CSMD3: variants seen among roughly 807,000 people sequenced by gnomAD.
CSMD3 encodes the protein CUB and Sushi multiple domains 3, also known as CUB and sushi domain-containing protein 3.
In CSMD3, 177 loss-of-function variants were observed where a neutral mutation model predicts 435.2. That is an observed-to-expected ratio of 0.41 (90% CI 0.36 to 0.46). CSMD3 has a LOEUF of 0.46. Ranked by LOEUF, CSMD3 falls within the 20% of genes least tolerant of loss-of-function variation. The probability of loss-of-function intolerance (pLI) is 0.34; values close to 1 mark genes in which losing one functional copy is unlikely to be tolerated. For synonymous variants in CSMD3, 1,656 were observed against 1,520.5 expected, an observed-to-expected ratio of 1.09 and a Z score of -2.07; for missense variants, 4,265 against 4,504.6, an observed-to-expected ratio of 0.95 and a Z score of 1.52.
intron 3 of CSMD3, among the ~76,000 whole-genome samples, chr8:113,194,086 G>A (rs1242319644): frequency 6.6e-6 from 1 of 151,034 alleles, no homozygotes. Context: ...TTCTTTGGGG[G>A]AAAAAAACCT....
intron 14 of CSMD3, among the ~76,000 whole-genome samples, chr8:112,687,723 C>A (rs1442206988): frequency 6.6e-6 from 1 of 152,078 alleles, no homozygotes; most frequent in Non-Finnish European, 1.5e-5. Flanking sequence ...GGATTGAATT[C>A]AGATTGCAGA....
At chr8:113,236,032 C>T (rs1455244980) in intron 3 of CSMD3, among the ~76,000 whole-genome samples, 1 of 152,092 alleles carries the variant, frequency 6.6e-6, no homozygotes, top group African/African-American at 2.4e-5. Context: ...CATTTGGGGG[C>T]TAGAGACTTC....
intron 27 of CSMD3, 29 bp from the exon 28 acceptor site, chr8:112,517,254 T>A (rs2130990918): frequency 6.5e-7 from 1 of 1,545,138 alleles, no homozygotes. Context: ...AAAATTTTAG[T>A]TTTGATAACT....
chr8:113,236,512 GTCTC>G (rs922374344), intron 3 of CSMD3, among the ~76,000 whole-genome samples: 4 of 151,582 alleles, frequency 2.6e-5, no homozygotes, highest in South Asian at 2.1e-4. Context: ...AGTGCTCTCT[GTCTC>G]TCTCTATCTC....
At chr8:112,270,081 T>C (rs1406017793) in intron 59 of CSMD3, among the ~76,000 whole-genome samples, 1 of 152,134 alleles carries the variant, frequency 6.6e-6, no homozygotes, top group Non-Finnish European at 1.5e-5. Flanking sequence ...TAGAGATAGA[T>C]TAATTAGACT....
chr8:113,215,420 G>A (rs1180738641), intron 3 of CSMD3, among the ~76,000 whole-genome samples: 1 of 151,886 alleles, frequency 6.6e-6, no homozygotes, highest in African/African-American at 2.4e-5. Flanking sequence ...TCTTAGGCTG[G>A]TGGACCATTG....
chr8:112,410,664 A>ATATATATATGTG (rs1832317309), intron 32 of CSMD3, among the ~76,000 whole-genome samples: 10 of 102,434 alleles, frequency 9.8e-5, no homozygotes, highest in Non-Finnish European at 1.6e-4. Flanking sequence ...ATATATATGT[A>ATATATATATGTG]TATATATATG....
In CSMD3 at chr8:112,492,506, G is replaced by C. The variant is rs765668782; in HGVS notation, c.5261C>G (p.Ala1754Gly). Residue 1754 changes from alanine to glycine, a missense_variant, in exon 31 of 71, where the codon GCC becomes GGC. Ala to Gly is a moderately conservative substitution (Grantham distance 60, BLOSUM62 0). Transcript: ENST00000297405. The part of the protein sequence containing the change: ...GDDGRPGWNR[A>G]LPSCHAPCGS... ...TTCCTTACCATGACAACTTGGCAAG[G>C]CTCTATTCCATCCAGGTCTTCCATC... The C allele has an allele frequency of 1.2e-6, 2 of 1,613,714 alleles. No individual in the cohort carries two copies. The highest frequency in any genetic ancestry group is 1.7e-6 in the Non-Finnish European group (2 of 1,179,696).
intron 10 of CSMD3, among the ~76,000 whole-genome samples, chr8:112,908,568 T>C (rs2082324143): frequency 6.6e-6 from 1 of 151,526 alleles, no homozygotes; most frequent in Non-Finnish European, 1.5e-5. Context: ...GGTTTTAACT[T>C]CATCAGACAA....
chr8:112,800,828 C>T (rs1433272778), intron 12 of CSMD3, among the ~76,000 whole-genome samples: 2 of 151,962 alleles, frequency 1.3e-5, no homozygotes, highest in Non-Finnish European at 2.9e-5. Flanking sequence ...AAGAAATATG[C>T]TGCAAATCTG....
At chr8:112,419,114 A>G (rs868527724) in intron 32 of CSMD3, among the ~76,000 whole-genome samples, 60 of 152,200 alleles carry the variant, frequency 3.9e-4, no homozygotes, top group African/African-American at 1.4e-3. Flanking sequence ...AACTTTTATT[A>G]ATAGTTTGAA....
At chr8:112,439,357 T>A (rs997115838) in intron 32 of CSMD3, among the ~76,000 whole-genome samples, 1 of 152,078 alleles carries the variant, frequency 6.6e-6, no homozygotes, top group African/African-American at 2.4e-5. Context: ...GCCAGGATGG[T>A]CTCAATCTCC....
At chr8:113,089,078 C>T (rs1304594333) in intron 5 of CSMD3, among the ~76,000 whole-genome samples, 2 of 151,904 alleles carry the variant, frequency 1.3e-5, no homozygotes, top group East Asian at 3.9e-4. Context: ...TGCTATGTAG[C>T]CCAGGCTGGA....
At chr8:113,350,747 G>A (rs923782033) in intron 1 of CSMD3, among the ~76,000 whole-genome samples, 1 of 151,980 alleles carries the variant, frequency 6.6e-6, no homozygotes, top group African/African-American at 2.4e-5. Context: ...AATATTCTTT[G>A]TGCATTTTCC....
chr8:112,251,320 TTAAAA>T (rs1190991321), intron 63 of CSMD3, among the ~76,000 whole-genome samples: 1 of 151,650 alleles, frequency 6.6e-6, no homozygotes, highest in Non-Finnish European at 1.5e-5. Context: ...TATATGTAAA[TTAAAA>T]TAAATAAAAT....
At chr8:113,314,889 C>A in intron 1 of CSMD3, 96 bp from the exon 2 acceptor site, 1 of 792,838 alleles carries the variant, frequency 1.3e-6, no homozygotes, top group Non-Finnish European at 2.1e-6. Context: ...ATTTCCAAGA[C>A]CAAAGTTAAC....
chr8:113,332,139 C>T (rs1485051601), intron 1 of CSMD3, among the ~76,000 whole-genome samples: 1 of 151,342 alleles, frequency 6.6e-6, no homozygotes, highest in African/African-American at 2.4e-5. Context: ...TTACACTATA[C>T]TATAATCTAT....
intron 32 of CSMD3, among the ~76,000 whole-genome samples, chr8:112,443,972 A>C (rs985116121): frequency 6.6e-6 from 1 of 152,214 alleles, no homozygotes; most frequent in African/African-American, 2.4e-5. Context: ...ATTTTGCAGA[A>C]AAGAAAAATG....
intron 10 of CSMD3, among the ~76,000 whole-genome samples, chr8:112,917,713 G>A (rs915384634): frequency 2.6e-4 from 39 of 151,904 alleles, no homozygotes; most frequent in Admixed American, 3.3e-4. Context: ...GATAGTTGCC[G>A]TATTGGAATT....
Sources: gnomAD v4.1 joint callset for allele counts (sites outside exome capture counted in the v4.1 genomes callset) on GRCh38, gnomAD v4.1.1 for gene constraint, MANE v1.5 for transcripts, NCBI Gene and HGNC (gene_info 2026-07-23, HGNC 2026-07-21) for gene names.